The following PSEN1 variants were observed in gnomAD, a reference collection of about 807,000 sequenced individuals.
The protein encoded by PSEN1 is presenilin-1.
In PSEN1, 15 loss-of-function variants were observed where a neutral mutation model predicts 53.5. That is an observed-to-expected ratio of 0.28 (90% confidence interval 0.19 to 0.43). PSEN1 has a LOEUF of 0.43. PSEN1 is among the 20% of genes least tolerant of loss of function. PSEN1 has a pLI of 1.00. For missense variants in PSEN1, 387 were observed against 571.2 expected, an observed-to-expected ratio of 0.68 and a Z score of 3.29; for synonymous variants, 208 against 209.8, an observed-to-expected ratio of 0.99 and a Z score of 0.08.
intron 6 of PSEN1, among the ~76,000 whole-genome samples, chr14:73,188,698 C>G (rs1035306273): frequency 6.6e-6 from 1 of 152,172 alleles, no homozygotes; most frequent in African/African-American, 2.4e-5. Flanking sequence ...ATTCTAAAGG[C>G]CAATGTCATC....
At chr14:73,164,964 T>C (rs1897663897) in intron 3 of PSEN1, among the ~76,000 whole-genome samples, 1 of 152,160 alleles carries the variant, frequency 6.6e-6, no homozygotes, top group East Asian at 1.9e-4. Context: ...TACTTTTTTT[T>C]GTTTTTTTTT....
rs1900122900 is a variant in PSEN1 at position 73,221,771 on chromosome 14, A to G, written c.*2482A>G. The G allele has an allele frequency of 1.3e-5, 2 of 152,202 alleles. No individual in the cohort carries two copies. Among genetic ancestry groups the G allele is most frequent in the South Asian group, 4.1e-4 (2 of 4,834 alleles). The allele number at this position is 152,202 out of a possible 1,614,324, so 9.4% of individuals were successfully genotyped here. On this transcript the variant is annotated 3_prime_UTR_variant, in exon 12 of 12. Coordinates refer to ENST00000324501, the MANE Select transcript of PSEN1 (RefSeq NM_000021.4). ...CATTCTTTTTAGAATTAGTTCAGTC[A>G]TTCCTAAAACATCCAAATGCTAGTC...
chr14:73,192,599 G>A (rs776054093), intron 6 of PSEN1, 45 bp from the exon 7 acceptor site: 1 of 1,342,066 alleles, frequency 7.5e-7, no homozygotes, highest in South Asian at 1.2e-5. Context: ...ATGTTTTGGT[G>A]AAAATTATTG....
intron 10 of PSEN1, among the ~76,000 whole-genome samples, chr14:73,216,024 A>C (rs1476590114): frequency 6.6e-6 from 1 of 152,230 alleles, no homozygotes; most frequent in Non-Finnish European, 1.5e-5. Flanking sequence ...ATTATTCAGA[A>C]TAGCCCCAAA....
chr14:73,179,943 A>AT (rs1898158634), intron 5 of PSEN1, among the ~76,000 whole-genome samples: 1 of 151,690 alleles, frequency 6.6e-6, no homozygotes. Flanking sequence ...TTCTTAATAT[A>AT]TTTTTTGTCG....
intron 8 of PSEN1, among the ~76,000 whole-genome samples, chr14:73,202,418 C>A (rs28482166): frequency 1.0e-3 from 28 of 27,222 alleles, no homozygotes; most frequent in African/African-American, 3.9e-3. Flanking sequence ...CTATCACATA[C>A]TATATATATA....
intron 11 of PSEN1, among the ~76,000 whole-genome samples, chr14:73,218,689 A>G (rs1342668977): frequency 6.7e-6 from 1 of 148,774 alleles, no homozygotes; most frequent in Non-Finnish European, 1.5e-5. Flanking sequence ...ATGCCCCCGC[A>G]CAGCATAGAG....
At chr14:73,184,625 G>C (rs1411403360) in intron 5 of PSEN1, among the ~76,000 whole-genome samples, 1 of 141,256 alleles carries the variant, frequency 7.1e-6, no homozygotes, top group African/African-American at 2.6e-5. Flanking sequence ...CCCGGACGGG[G>C]CGGCTGGCCG....
At chr14:73,150,400 T>C (rs1026590321) in intron 3 of PSEN1, among the ~76,000 whole-genome samples, 11 of 152,332 alleles carry the variant, frequency 7.2e-5, no homozygotes, top group African/African-American at 2.4e-4. Flanking sequence ...TTTAATAAAA[T>C]TGAGTATTAG....
chr14:73,184,005 G>T (rs1253333790), intron 5 of PSEN1, among the ~76,000 whole-genome samples: 1 of 134,276 alleles, frequency 7.4e-6, no homozygotes, highest in African/African-American at 3.1e-5. Flanking sequence ...GAGCGGCCGG[G>T]CAGAGGCGCC....
At chr14:73,213,592 G>T (rs1236760096) in intron 10 of PSEN1, among the ~76,000 whole-genome samples, 1 of 152,148 alleles carries the variant, frequency 6.6e-6, no homozygotes, top group Non-Finnish European at 1.5e-5. Context: ...CTTACCAAAA[G>T]GTTCAGTTGA....
chr14:73,186,597 C>T (rs1333259234), intron 5 of PSEN1, among the ~76,000 whole-genome samples: 1 of 151,908 alleles, frequency 6.6e-6, no homozygotes, highest in Non-Finnish European at 1.5e-5. Flanking sequence ...GGCAACATGG[C>T]GAAACCCTGT....
chr14:73,150,502 G>A (rs866838619), intron 3 of PSEN1, among the ~76,000 whole-genome samples: 19 of 152,030 alleles, frequency 1.2e-4, no homozygotes, highest in African/African-American at 3.1e-4. Flanking sequence ...GGTGGCTCAC[G>A]CCTGTAATCC....
intron 1 of PSEN1, among the ~76,000 whole-genome samples, chr14:73,139,025 T>C (rs1896836306): frequency 6.6e-6 from 1 of 151,854 alleles, no homozygotes; most frequent in East Asian, 1.9e-4. Context: ...GGCTCACGCC[T>C]GTAAACCCAG....
At chr14:73,213,533 G>T (rs193278015) in intron 10 of PSEN1, among the ~76,000 whole-genome samples, 6 of 152,140 alleles carry the variant, frequency 3.9e-5, no homozygotes, top group Admixed American at 3.3e-4. Flanking sequence ...TTCAGCACAC[G>T]TGTCACCATC....
chr14:73,157,165 G>T (rs1252205493), intron 3 of PSEN1, among the ~76,000 whole-genome samples: 2 of 142,178 alleles, frequency 1.4e-5, no homozygotes, highest in Admixed American at 7.0e-5. Flanking sequence ...CTCTTTTGTT[G>T]CCCAGGCTGG....
chr14:73,179,514 G>T (rs1056725538), intron 5 of PSEN1, among the ~76,000 whole-genome samples: 2 of 152,182 alleles, frequency 1.3e-5, no homozygotes, highest in African/African-American at 2.4e-5. Context: ...TTACTCAGGA[G>T]GCTGAGGCAG....
chr14:73,185,324 C>A (rs1201614711), intron 5 of PSEN1, among the ~76,000 whole-genome samples: 1 of 152,194 alleles, frequency 6.6e-6, no homozygotes, highest in East Asian at 1.9e-4. Context: ...CCATTGAGCA[C>A]TGAGTGAACG....
intron 1 of PSEN1, among the ~76,000 whole-genome samples, chr14:73,144,826 C>T (rs1207337288): frequency 1.3e-5 from 2 of 151,998 alleles, no homozygotes; most frequent in South Asian, 2.1e-4. Flanking sequence ...TTGTTTAGTG[C>T]GTGGTAATCA....
Sources: allele counts gnomAD v4.1 joint callset (sites outside exome capture counted in the v4.1 genomes callset), GRCh38; gene constraint gnomAD v4.1.1; transcripts MANE v1.5; gene names NCBI Gene and HGNC (gene_info 2026-07-23, HGNC 2026-07-21).